Variants in CNTN5 observed in about 807,000 individuals in gnomAD.
CNTN5 encodes contactin-5.
CNTN5 carries 77 observed loss-of-function variants against 129.1 expected under a neutral mutation model. That is an observed-to-expected ratio of 0.60 (90% confidence interval 0.50 to 0.72). CNTN5 has a LOEUF of 0.72. CNTN5 is among the 30% of genes least tolerant of loss of function. CNTN5 has a pLI of 0.00. For synonymous variants in CNTN5, 509 were observed against 465.6 expected, an observed-to-expected ratio of 1.09 and a Z score of -1.20; for missense variants, 1,478 against 1,328.8, an observed-to-expected ratio of 1.11 and a Z score of -1.75.
At chr11:100,296,804 T>C (rs1951108133) in intron 18 of CNTN5, among the ~76,000 whole-genome samples, 1 of 151,552 alleles carries the variant, frequency 6.6e-6, no homozygotes, top group South Asian at 2.1e-4. Flanking sequence ...TAGGAGTGAA[T>C]TTATTGTTTA....
At chr11:99,431,430 C>CT (rs1943366304) in intron 2 of CNTN5, among the ~76,000 whole-genome samples, 2 of 152,098 alleles carry the variant, frequency 1.3e-5, no homozygotes, top group South Asian at 4.1e-4. Context: ...GGAAAACTCA[C>CT]TTTTTTAATG....
At chr11:99,799,924 A>G (rs1946062281) in intron 3 of CNTN5, among the ~76,000 whole-genome samples, 1 of 151,996 alleles carries the variant, frequency 6.6e-6, no homozygotes, top group African/African-American at 2.4e-5. Flanking sequence ...CATGTCAGAA[A>G]TTGATATTAG....
intron 6 of CNTN5, among the ~76,000 whole-genome samples, chr11:99,900,992 A>T (rs1452673556): frequency 6.6e-6 from 1 of 152,148 alleles, no homozygotes; most frequent in Admixed American, 6.6e-5. Flanking sequence ...TCCTACTTGG[A>T]ATTTTGCCTC....
chr11:99,496,160 G>T (rs1946216289), intron 2 of CNTN5, among the ~76,000 whole-genome samples: 1 of 152,158 alleles, frequency 6.6e-6, no homozygotes, highest in Non-Finnish European at 1.5e-5. Context: ...CACAATAATA[G>T]AAGTAATCAT....
intron 3 of CNTN5, among the ~76,000 whole-genome samples, chr11:99,807,877 G>A (rs114453845): frequency 1.1e-3 from 160 of 152,092 alleles, no homozygotes; most frequent in African/African-American, 3.7e-3. Context: ...TCTGTAGTGC[G>A]CATATATTTG....
intron 4 of CNTN5, among the ~76,000 whole-genome samples, chr11:99,842,794 T>C (rs1947554829): frequency 6.6e-6 from 1 of 152,228 alleles, no homozygotes; most frequent in South Asian, 2.1e-4. Context: ...ATACAAAATT[T>C]TGACAATTTT....
At chr11:100,235,835 C>A (rs531778595) in intron 16 of CNTN5, among the ~76,000 whole-genome samples, 2 of 152,126 alleles carry the variant, frequency 1.3e-5, no homozygotes, top group African/African-American at 4.8e-5. Context: ...TTACTTACTG[C>A]CCACTCACTT....
chr11:99,781,840 G>T (rs1439681771), intron 3 of CNTN5, among the ~76,000 whole-genome samples: 1 of 152,058 alleles, frequency 6.6e-6, no homozygotes, highest in Non-Finnish European at 1.5e-5. Flanking sequence ...AATAATAAGA[G>T]CTATCTATGA....
At chr11:99,173,292 G>A (rs1239824427) in intron 1 of CNTN5, among the ~76,000 whole-genome samples, 1 of 152,110 alleles carries the variant, frequency 6.6e-6, no homozygotes, top group East Asian at 1.9e-4. Context: ...GTAATGCTAA[G>A]GTATTCTGGG....
At chr11:99,714,237 C>T (rs1173130391) in intron 3 of CNTN5, among the ~76,000 whole-genome samples, 2 of 151,806 alleles carry the variant, frequency 1.3e-5, no homozygotes, top group Admixed American at 1.3e-4. Context: ...TAGTATTTTA[C>T]CAAGTGGAAG....
intron 2 of CNTN5, among the ~76,000 whole-genome samples, chr11:99,444,803 T>A (rs547404770): frequency 5.0e-4 from 76 of 152,068 alleles, no homozygotes; most frequent in African/African-American, 1.7e-3. Context: ...TTAAGATCAT[T>A]TATATGTACA....
At chr11:99,937,164 G>A (rs1053014471) in intron 7 of CNTN5, among the ~76,000 whole-genome samples, 1 of 152,202 alleles carries the variant, frequency 6.6e-6, no homozygotes, top group African/African-American at 2.4e-5. Context: ...AAAACATGTT[G>A]TTAAGCAGAG....
chr11:99,817,596 G>GGT (rs1555120802), intron 3 of CNTN5, among the ~76,000 whole-genome samples: 1 of 99,640 alleles, frequency 1.0e-5, no homozygotes, highest in African/African-American at 3.9e-5. Flanking sequence ...GTCTGGGATA[G>GGT]TTTTTTTTTT....
chr11:100,358,164 G>T lies in CNTN5; in HGVS notation c.*1944G>T, dbSNP rs919297434. 6.6e-6 allele frequency: 1 copy of T among 151,822 alleles called. No individual in the cohort carries two copies. The highest frequency in any genetic ancestry group is 1.5e-5 in the Non-Finnish European group (1 of 67,832). 9.4% of individuals were successfully genotyped at this position (151,822 alleles called of 1,614,324 possible). A position where few individuals can be genotyped will look rare whatever the true frequency, so the allele number is the denominator to read the frequency against. On this transcript the variant is annotated 3_prime_UTR_variant, in exon 25 of 25. Transcript: ENST00000524871. ...TATTTTTAATGCAAAATAATTTTAC[G>T]TATTTCATGAATCAAGCCATTTTCT... is the stretch of plus-strand genomic sequence containing the variant.
chr11:99,453,617 A>G (rs954982052), intron 2 of CNTN5, among the ~76,000 whole-genome samples: 1 of 152,238 alleles, frequency 6.6e-6, no homozygotes, highest in Non-Finnish European at 1.5e-5. Context: ...GAGCGATGAA[A>G]AAACTAAAGA....
chr11:99,828,466 T>A (rs1275287912), intron 4 of CNTN5, among the ~76,000 whole-genome samples: 1 of 152,180 alleles, frequency 6.6e-6, no homozygotes, highest in Non-Finnish European at 1.5e-5. Context: ...AGAGCAAGAA[T>A]GGATAATGCA....
intron 1 of CNTN5, among the ~76,000 whole-genome samples, chr11:99,247,079 G>A (rs899927793): frequency 2.0e-5 from 3 of 152,126 alleles, no homozygotes; most frequent in Non-Finnish European, 2.9e-5. Context: ...AAACATCTAT[G>A]TAGAATTTTC....
intron 17 of CNTN5, among the ~76,000 whole-genome samples, chr11:100,262,007 A>G (rs1344011022): frequency 1.3e-5 from 2 of 152,244 alleles, no homozygotes; most frequent in African/African-American, 4.8e-5. Context: ...CATAGTGAAC[A>G]GCCAACCTAC....
chr11:99,542,345 G>A (rs1565277726), intron 2 of CNTN5, among the ~76,000 whole-genome samples: 1 of 152,044 alleles, frequency 6.6e-6, no homozygotes, highest in Non-Finnish European at 1.5e-5. Flanking sequence ...CAAGTCTCTG[G>A]TAACCACTGT....
Sources: gnomAD v4.1 joint callset for allele counts (sites outside exome capture counted in the v4.1 genomes callset) on GRCh38, gnomAD v4.1.1 for gene constraint, MANE v1.5 for transcripts, NCBI Gene and HGNC (gene_info 2026-07-23, HGNC 2026-07-21) for gene names.